CYFIP2: variants seen among roughly 807,000 people sequenced by gnomAD.
The protein encoded by CYFIP2 is cytoplasmic FMR1-interacting protein 2.
A neutral mutation model predicts 158.7 loss-of-function variants in CYFIP2; 29 were observed. The observed-to-expected ratio is 0.18, with a 90% CI of 0.14 to 0.25. The LOEUF (loss-of-function observed/expected upper bound fraction) is 0.25. Ranked by LOEUF, CYFIP2 falls within the 10% of genes least tolerant of loss-of-function variation. The pLI is 1.00. For synonymous variants in CYFIP2, 585 were observed against 617.6 expected (o/e 0.95, Z 0.78); for missense variants, 852 against 1,639.5 (o/e 0.52, Z 8.29).
chr5:157,393,795 G>A lies in CYFIP2; in HGVS notation c.*795G>A, dbSNP rs1288806917. On this transcript the variant is annotated 3_prime_UTR_variant, in exon 31 of 31. Transcript: ENST00000620254. ...ATTCCTTCAGGAAAGGCTTAGCATT[G>A]GGCCACATAGGGGAAGCAGCTTTGA... 1 of 152,194 alleles carries A rather than the reference G, an allele frequency of 6.6e-6. No individual in the cohort carries two copies. The highest frequency in any genetic ancestry group is 1.5e-5 in the Non-Finnish European group (1 of 68,054). 9.4% of individuals were successfully genotyped at this position (152,194 alleles called of 1,614,324 possible).
At position 157,394,672 on chromosome 5, in the gene CYFIP2, C is replaced by T. The variant is rs1389753963; in HGVS notation, c.*1672C>T. ...GCACATCAATGTTTGGGAACCACTG[C>T]TGTAAGGGAATCATTCTGGTCACCT... is the stretch of plus-strand genomic sequence containing the variant. On this transcript the variant is annotated 3_prime_UTR_variant, in exon 31 of 31. Transcript: ENST00000620254. 6.6e-6 allele frequency: 1 copy of T among 152,208 alleles called. No homozygotes were observed. Among genetic ancestry groups the T allele is most frequent in the East Asian group, 1.9e-4 (1 of 5,194 alleles). The allele number at this position is 152,208 out of a possible 1,614,324, so 9.4% of individuals were successfully genotyped here.
chr5:157,330,590 C>T (rs188911781), intron 19 of CYFIP2, among the ~76,000 whole-genome samples, 152 bp from the exon 20 acceptor site: 2 of 152,248 alleles, frequency 1.3e-5, no homozygotes, highest in East Asian at 3.9e-4. Context: ...AGAAATTTGA[C>T]GTAACTTGTC....
At chr5:157,275,010 A>G (rs1247850600) in intron 1 of CYFIP2, among the ~76,000 whole-genome samples, 2 of 152,078 alleles carry the variant, frequency 1.3e-5, no homozygotes, top group Non-Finnish European at 2.9e-5. Flanking sequence ...TCCTGGCTTA[A>G]GCGATTCTCC....
chr5:157,359,269 A>C, intron 24 of CYFIP2, 121 bp downstream of exon 24: 1 of 1,107,454 alleles, frequency 9.0e-7, no homozygotes. Context: ...CTCTACCTGT[A>C]GAAACCACTC....
At chr5:157,328,649 C>T (rs918555851) in intron 19 of CYFIP2, among the ~76,000 whole-genome samples, 1 of 152,236 alleles carries the variant, frequency 6.6e-6, no homozygotes, top group African/African-American at 2.4e-5. Context: ...AGCACACCAG[C>T]TTTGTAGCTG....
chr5:157,328,476 G>T (rs1400218271), intron 19 of CYFIP2, among the ~76,000 whole-genome samples: 3 of 152,252 alleles, frequency 2.0e-5, no homozygotes, highest in African/African-American at 7.2e-5. Flanking sequence ...CAGGCAAAAG[G>T]AACTGCTTGT....
rs530338469 is a variant in CYFIP2 at position 157,334,230 on chromosome 5, G to A, written c.2385+784G>A. Among the ~76,000 whole-genome samples, 3 of 152,182 alleles carry A rather than the reference G, an allele frequency of 2.0e-5. No individual in the cohort carries two copies. In the South Asian group the frequency reaches 6.2e-4, roughly 32 times the overall value. On this transcript the variant is annotated intron_variant, in intron 21 of 30. Coordinates refer to ENST00000620254, the MANE Select transcript of CYFIP2 (RefSeq NM_001037333.3). ...AGGTTCCTACAGTAGGCAAATTCAT[G>A]GAGACATAGGGTAGGTTGCCAGGGA...
chr5:157,320,501 T>A (rs967361113), intron 14 of CYFIP2, among the ~76,000 whole-genome samples, 154 bp from the exon 15 acceptor site: 3 of 152,164 alleles, frequency 2.0e-5, no homozygotes, highest in Admixed American at 6.5e-5. Context: ...AAACCAGAGT[T>A]TTGGAATTGG....
chr5:157,349,474 T>C (rs1483278380), intron 23 of CYFIP2, among the ~76,000 whole-genome samples: 1 of 152,248 alleles, frequency 6.6e-6, no homozygotes, highest in Admixed American at 6.5e-5. Flanking sequence ...GGCTGAGTAG[T>C]ATTCCATGAT....
chr5:157,283,995 A>G (rs1370094125), intron 1 of CYFIP2, among the ~76,000 whole-genome samples: 1 of 152,174 alleles, frequency 6.6e-6, no homozygotes, highest in African/African-American at 2.4e-5. Context: ...TCAGACAAGC[A>G]CAGTGGCCCT....
intron 1 of CYFIP2, among the ~76,000 whole-genome samples, chr5:157,273,805 A>G (rs1031325568): frequency 6.6e-6 from 1 of 152,156 alleles, no homozygotes; most frequent in African/African-American, 2.4e-5. Flanking sequence ...CTTTATTGAA[A>G]TATAGTTTGC....
chr5:157,283,864 C>A (rs947265336), intron 1 of CYFIP2, among the ~76,000 whole-genome samples: 2 of 152,054 alleles, frequency 1.3e-5, no homozygotes, highest in African/African-American at 4.8e-5. Flanking sequence ...GTCCTTTTCC[C>A]CCCTAATGTT....
intron 28 of CYFIP2, chr5:157,385,012 A>T (rs1766529784): frequency 6.3e-6 from 1 of 158,436 alleles, no homozygotes; most frequent in Admixed American, 6.0e-5. Context: ...GAGAACTCAG[A>T]TACTGTAGAG....
Position 157,382,532 on chromosome 5 carries a change from A to G in CYFIP2, c.3040-58A>G, listed in dbSNP as rs1440951391. On this transcript the variant is annotated intron_variant, in intron 26 of 30. Coordinates refer to ENST00000620254, the MANE Select transcript of CYFIP2 (RefSeq NM_001037333.3). The stretch of plus-strand genomic sequence containing the variant: ...CAGTGCTCAGGTTTTTAGGAATGAA[A>G]AATCTTCCTGGTTTAAAATGAAAAT... 7 of 1,590,422 alleles carry G rather than the reference A, an allele frequency of 4.4e-6. No homozygotes were observed. The African/African-American group carries it at 8.1e-5, about 18-fold the overall frequency.
Position 157,395,449 on chromosome 5 carries a change from T to C in CYFIP2, c.*2449T>C, listed in dbSNP as rs948827308. 3 of 428,480 alleles carry C rather than the reference T, an allele frequency of 7.0e-6. No homozygotes were observed. Among genetic ancestry groups the C allele is most frequent in the Non-Finnish European group, 1.3e-5 (3 of 228,878 alleles). 26.5% of individuals were successfully genotyped at this position (428,480 alleles called of 1,614,324 possible). On this transcript the variant is annotated 3_prime_UTR_variant, in exon 31 of 31. Transcript: ENST00000620254. ...TTTATTTATGGTGACATATTTACGC[T>C]TGTGATCAAATAATGATGTTAAATT...
chr5:157,361,317 A>G lies in CYFIP2; in HGVS notation c.2909-151A>G. The G allele has an allele frequency of 1.1e-6, 1 of 921,898 alleles. No individual in the cohort carries two copies. Among genetic ancestry groups the G allele is most frequent in the Non-Finnish European group, 1.6e-6 (1 of 618,118 alleles). The allele number at this position is 921,898 out of a possible 1,614,324, so 57.1% of individuals were successfully genotyped here. A position where few individuals can be genotyped will look rare whatever the true frequency, so the allele number is the denominator to read the frequency against. ...TGTCCAGTACTGAGCCCTGAAAGAAATCTCACTCTGGGCCTGCAGGTAAGA... is the reference window on the plus strand; with the variant it reads ...TGTCCAGTACTGAGCCCTGAAAGAAGTCTCACTCTGGGCCTGCAGGTAAGA... On this transcript the variant is annotated intron_variant, in intron 25 of 30. Coordinates refer to ENST00000620254, the MANE Select transcript of CYFIP2 (RefSeq NM_001037333.3). This position sits in a 1 kb window ranked among gnomAD's most constrained non-coding sequence, Gnocchi z 4.4.
chr5:157,373,033 T>TA lies in CYFIP2; in HGVS notation c.3040-9555dup, dbSNP rs141650526. ...CCGAGAGAGGGTCATGCCTTAACAT[T>TA]AACAGCAAAGGGGTCTTCATACATT... On this transcript the variant is annotated intron_variant, in intron 26 of 30. Transcript: ENST00000620254. Among the ~76,000 whole-genome samples the TA allele has an allele frequency of 1.6e-3, 249 of 152,248 alleles. 1 individual carries two copies. Among genetic ancestry groups the TA allele is most frequent in the African/African-American group, 5.7e-3 (238 of 41,538 alleles).
intron 9 of CYFIP2, 141 bp from the exon 10 acceptor site, chr5:157,309,602 T>G: frequency 2.8e-6 from 2 of 703,314 alleles, no homozygotes; most frequent in South Asian, 3.5e-5. Flanking sequence ...CAGAGTCACA[T>G]GGTAGCGTCA....
intron 5 of CYFIP2, among the ~76,000 whole-genome samples, chr5:157,299,353 C>T (rs1758541885): frequency 6.6e-6 from 1 of 152,132 alleles, no homozygotes; most frequent in Non-Finnish European, 1.5e-5. Context: ...GCCACCCTGG[C>T]TTCCTTCTCA....
Sources: allele counts gnomAD v4.1 joint callset (sites outside exome capture counted in the v4.1 genomes callset), GRCh38; gene constraint gnomAD v4.1.1; non-coding constraint Gnocchi (gnomAD v3.1); transcripts MANE v1.5; gene names NCBI Gene and HGNC (gene_info 2026-07-23, HGNC 2026-07-21).